Variants in PRDM5 observed in about 807,000 individuals in gnomAD.
PRDM5 encodes PR/SET domain 5, also known as PR domain zinc finger protein 5.
A neutral mutation model predicts 81.2 loss-of-function variants in PRDM5; 56 were observed. That is an observed-to-expected ratio of 0.69 (90% CI 0.56 to 0.86). The LOEUF (loss-of-function observed/expected upper bound fraction) is 0.86, where lower values mean the gene tolerates loss of function less well. Among genes scored for constraint, PRDM5 ranks in the 40% least tolerant of loss-of-function variants. The pLI, the probability that PRDM5 is intolerant of heterozygous loss-of-function variation, is 0.00. For missense variants in PRDM5, 697 were observed against 770.1 expected (o/e 0.91, Z 1.12); for synonymous variants, 267 against 256.4 (o/e 1.04, Z -0.39).
At chr4:120,833,520 A>C (rs1392179882) in intron 3 of PRDM5, among the ~76,000 whole-genome samples, 1 of 152,152 alleles carries the variant, frequency 6.6e-6, no homozygotes, top group African/African-American at 2.4e-5. Context: ...TTAGGAAAGA[A>C]AAAAAAACAT....
In PRDM5 at chr4:120,765,724, T is replaced by C. The variant is rs1278465345; in HGVS notation, c.1538-11086A>G. On this transcript the variant is annotated intron_variant, in intron 13 of 15. Coordinates refer to ENST00000264808, the MANE Select transcript of PRDM5 (RefSeq NM_018699.4). ...ATCTACATTCTATAGATGATCTATA[T>C]TCTGTAGCTAAAGTTTATGAAAAGA... Among the ~76,000 whole-genome samples the C allele has an allele frequency of 4.6e-5, 7 of 152,296 alleles. No homozygotes were observed. The East Asian group carries it at 5.8e-4, about 13-fold the overall frequency.
At chr4:120,714,360 T>G (rs1044841504) in intron 14 of PRDM5, among the ~76,000 whole-genome samples, 4 of 152,162 alleles carry the variant, frequency 2.6e-5, no homozygotes, top group African/African-American at 9.7e-5. Context: ...CTCTTTCTGT[T>G]GTACTCTAAT....
rs376792790 is a variant in PRDM5 at position 120,705,682 on chromosome 4, G to A, written c.1728+4627C>T. ...AACTGGTTTTCACTCTAAATGAGAT[G>A]CACAGTCATGGGAAGGTTTGAGCAA... On this transcript the variant is annotated intron_variant, in intron 15 of 15. Coordinates refer to ENST00000264808, the MANE Select transcript of PRDM5 (RefSeq NM_018699.4). 5.9e-5 allele frequency among the ~76,000 whole-genome samples: 9 copies of A among 152,248 alleles called. No individual in the cohort carries two copies. The East Asian group carries it at 1.4e-3, about 23-fold the overall frequency.
chr4:120,754,551 A>G lies in PRDM5; in HGVS notation c.1623+2T>C. On this transcript the variant is annotated splice_donor_variant, in intron 14 of 15. Coordinates refer to ENST00000264808, the MANE Select transcript of PRDM5 (RefSeq NM_018699.4). LOFTEE classifies it high-confidence loss of function. ...TATTAATGAAACAGAATATAATCTT[A>G]CCCTGGTGTGAGTACGAATGTGCAT... The G allele has an allele frequency of 6.5e-7, 1 of 1,545,406 alleles. No homozygotes were observed. Among genetic ancestry groups the G allele is most frequent in the South Asian group, 1.1e-5 (1 of 89,660 alleles).
intron 2 of PRDM5, among the ~76,000 whole-genome samples, chr4:120,904,771 CTGTT>C (rs1281773635): frequency 2.0e-5 from 3 of 152,106 alleles, no homozygotes; most frequent in Non-Finnish European, 4.4e-5. Flanking sequence ...AAATTATTAT[CTGTT>C]TAACACTACC....
At chr4:120,759,350 C>G (rs1745265491) in intron 13 of PRDM5, among the ~76,000 whole-genome samples, 1 of 152,170 alleles carries the variant, frequency 6.6e-6, no homozygotes, top group African/African-American at 2.4e-5. Flanking sequence ...AGCTTAGACT[C>G]TACATTAAAT....
intron 14 of PRDM5, 28 bp downstream of exon 14, chr4:120,754,525 A>C: frequency 6.9e-7 from 1 of 1,447,148 alleles, no homozygotes; most frequent in East Asian, 2.3e-5. Flanking sequence ...TTCATGATCA[A>C]TATTAATGAA....
chr4:120,876,778 G>T (rs1039853395), intron 2 of PRDM5, among the ~76,000 whole-genome samples: 4 of 151,732 alleles, frequency 2.6e-5, no homozygotes, highest in African/African-American at 7.3e-5. Flanking sequence ...AGGACATGAA[G>T]GAATGCATGC....
intron 2 of PRDM5, among the ~76,000 whole-genome samples, chr4:120,858,805 A>G (rs1348200406): frequency 5.3e-5 from 8 of 152,192 alleles, no homozygotes; most frequent in Non-Finnish European, 1.2e-4. Context: ...TTAATATAAA[A>G]GTACTGATGA....
At chr4:120,854,194 G>A (rs1171031879) in intron 2 of PRDM5, among the ~76,000 whole-genome samples, 2 of 152,132 alleles carry the variant, frequency 1.3e-5, no homozygotes, top group Non-Finnish European at 2.9e-5. Flanking sequence ...ACATTCAACT[G>A]GAGAGAGGAG....
intron 2 of PRDM5, among the ~76,000 whole-genome samples, chr4:120,874,311 G>A (rs1762132560): frequency 6.6e-6 from 1 of 152,146 alleles, no homozygotes; most frequent in Admixed American, 6.5e-5. Context: ...AATATGTAAA[G>A]TTAATAATAA....
chr4:120,861,815 CA>C (rs1190370158), intron 2 of PRDM5, among the ~76,000 whole-genome samples: 7 of 148,350 alleles, frequency 4.7e-5, no homozygotes, highest in South Asian at 2.1e-4. Context: ...AAAGAAAAAA[CA>C]AAAAAAAAGG....
intron 14 of PRDM5, among the ~76,000 whole-genome samples, chr4:120,747,297 G>C (rs1456057747): frequency 1.9e-5 from 2 of 106,330 alleles, no homozygotes; most frequent in South Asian, 4.2e-4. Context: ...GGTGGGGGGA[G>C]GGGGGAGGGA....
At chr4:120,737,622 A>C (rs1430607250) in intron 14 of PRDM5, among the ~76,000 whole-genome samples, 1 of 152,208 alleles carries the variant, frequency 6.6e-6, no homozygotes, top group African/African-American at 2.4e-5. Flanking sequence ...TGGGCACATC[A>C]CAAACATCTG....
In PRDM5 at chr4:120,811,528, G is replaced by GT. The variant is rs1365429232; in HGVS notation, c.866-80dup. ...AACAAATAGTGTTTCGAGGTGATATGTAAGTTCATCTTCATAATTTAGAAT... is the reference window on the plus strand; with the variant it reads ...AACAAATAGTGTTTCGAGGTGATATGTTAAGTTCATCTTCATAATTTAGAAT... On this transcript the variant is annotated intron_variant, in intron 7 of 15. Transcript: ENST00000264808. The GT allele has an allele frequency of 2.5e-5, 21 of 855,632 alleles. No homozygotes were observed. The East Asian group carries it at 5.2e-4, about 21-fold the overall frequency. The allele number at this position is 855,632 out of a possible 1,614,324, so 53.0% of individuals were successfully genotyped here. A position where few individuals can be genotyped will look rare whatever the true frequency, so the allele number is the denominator to read the frequency against.
At chr4:120,817,436 C>T (rs1464923540) in intron 5 of PRDM5, among the ~76,000 whole-genome samples, 1 of 152,004 alleles carries the variant, frequency 6.6e-6, no homozygotes, top group Non-Finnish European at 1.5e-5. Flanking sequence ...AGATTTCTTG[C>T]TCATAAGTAA....
intron 13 of PRDM5, among the ~76,000 whole-genome samples, chr4:120,760,352 CATA>C (rs1745423898): frequency 6.6e-6 from 1 of 152,092 alleles, no homozygotes; most frequent in Non-Finnish European, 1.5e-5. Flanking sequence ...CAAACACTAT[CATA>C]ATAATAAGCT....
At chr4:120,831,875 G>A (rs957480365) in intron 3 of PRDM5, among the ~76,000 whole-genome samples, 2 of 151,892 alleles carry the variant, frequency 1.3e-5, no homozygotes, top group Non-Finnish European at 2.9e-5. Context: ...TCCCATACTG[G>A]GGCCAACTTT....
rs531693234 is a variant in PRDM5 at position 120,727,065 on chromosome 4, G to A, written c.1624-16652C>T. On this transcript the variant is annotated intron_variant, in intron 14 of 15. Transcript: ENST00000264808. Reference sequence around the variant, plus strand: ...TGTCATTTTTTTGGCAATGACATGGGAGACTGCTTACATGTCTGAAAACAC... The same window carrying A: ...TGTCATTTTTTTGGCAATGACATGGAAGACTGCTTACATGTCTGAAAACAC... 2.0e-5 allele frequency among the ~76,000 whole-genome samples: 3 copies of A among 152,248 alleles called. No individual in the cohort carries two copies. The East Asian group carries it at 5.8e-4, about 29-fold the overall frequency.
Sources: allele counts gnomAD v4.1 joint callset (sites outside exome capture counted in the v4.1 genomes callset), GRCh38; gene constraint gnomAD v4.1.1; transcripts MANE v1.5; gene names NCBI Gene and HGNC (gene_info 2026-07-23, HGNC 2026-07-21).